Variants in LY75 observed in about 807,000 individuals in gnomAD.
LY75 encodes lymphocyte antigen 75.
A neutral mutation model predicts 231.7 loss-of-function variants in LY75; 185 were observed. The ratio of observed to expected loss-of-function variants is 0.80; its 90% CI spans 0.71 to 0.90. The LOEUF (loss-of-function observed/expected upper bound fraction) is 0.90. Ranked by LOEUF, LY75 falls within the 40% of genes least tolerant of loss-of-function variation. The pLI, the probability that LY75 is intolerant of heterozygous loss-of-function variation, is 0.00. For synonymous variants in LY75, 668 were observed against 689.0 expected, an observed-to-expected ratio of 0.97 and a Z score of 0.48; for missense variants, 1,947 against 2,050.2, an observed-to-expected ratio of 0.95 and a Z score of 0.97.
At chr2:159,854,993 A>G (rs1684508224) in intron 16 of LY75, 54 bp from the exon 17 acceptor site, 2 of 1,607,914 alleles carry the variant, frequency 1.2e-6, no homozygotes, top group Middle Eastern at 1.7e-4. Flanking sequence ...ATCAGGGTAT[A>G]CTATAAGTAC....
Position 159,840,810 on chromosome 2 carries a change from C to T in LY75, c.3426G>A (p.Thr1142=), listed in dbSNP as rs145865267. The T allele has an allele frequency of 1.5e-3, 2,425 of 1,614,052 alleles. 2 individuals carry two copies. The highest frequency in any genetic ancestry group is 1.9e-3 in the Non-Finnish European group (2,260 of 1,179,998). ...TGAGGAATGCCTGCTGGTAAGGGTC[C>T]GTGATGCTCACCAGCTGCATGTTAC... is the stretch of plus-strand genomic sequence containing the variant. ...LKSNMQLVSI[T]DPYQQAFLSV... Residue 1142 remains threonine (T), a synonymous_variant, in exon 25 of 35, where the codon ACG becomes ACA. Coordinates refer to ENST00000263636, the MANE Select transcript of LY75 (RefSeq NM_002349.4).
rs142394042 is a variant in LY75 at position 159,876,952 on chromosome 2, T to C, written c.1775-1309A>G. Among the ~76,000 whole-genome samples, 488 of 130,872 alleles carry C rather than the reference T, an allele frequency of 3.7e-3. 3 individuals are homozygous for C. The highest frequency in any genetic ancestry group is 0.014 in the African/African-American group (479 of 33,164). The allele number at this position is 130,872 out of a possible 152,430, so 85.9% of individuals were successfully genotyped here. A position where few individuals can be genotyped will look rare whatever the true frequency, so the allele number is the denominator to read the frequency against. ...TGTACACGGGAGGCAGAGGTTACAG[T>C]GAGCCGAGATCGAGCCATTGCACTC... On this transcript the variant is annotated intron_variant, in intron 11 of 34. Coordinates refer to ENST00000263636, the MANE Select transcript of LY75 (RefSeq NM_002349.4).
At chr2:159,835,391 A>C in intron 26 of LY75, 89 bp downstream of exon 26, 2 of 1,372,942 alleles carry the variant, frequency 1.5e-6, no homozygotes, top group Non-Finnish European at 1.9e-6. Context: ...CAATTCCAAA[A>C]CCAGATTTTA....
At chr2:159,864,308 C>A (rs2667030) in intron 14 of LY75, among the ~76,000 whole-genome samples, 132,396 of 152,112 alleles carry the variant, frequency 0.87, 59,331 homozygotes, top group East Asian at 1. Context: ...CAAAAAAATC[C>A]TTGTCCAGAC....
intron 2 of LY75, among the ~76,000 whole-genome samples, chr2:159,896,375 G>A (rs919496963): frequency 2.0e-5 from 3 of 152,224 alleles, no homozygotes; most frequent in African/African-American, 7.2e-5. Context: ...CCAAGGCACA[G>A]TGATAAATTA....
chr2:159,869,457 G>A (rs1036106611), intron 13 of LY75, among the ~76,000 whole-genome samples: 1 of 152,188 alleles, frequency 6.6e-6, no homozygotes, highest in African/African-American at 2.4e-5. Context: ...TCATCAGCAT[G>A]ATGGTAGGAT....
chr2:159,826,922 G>A (rs571530734), intron 28 of LY75, among the ~76,000 whole-genome samples: 1 of 152,170 alleles, frequency 6.6e-6, no homozygotes, highest in East Asian at 1.9e-4. Context: ...AACTGAAACT[G>A]GACCCCCCTT....
At chr2:159,874,914 A>T (rs34587580) in intron 12 of LY75, among the ~76,000 whole-genome samples, 2 of 126,848 alleles carry the variant, frequency 1.6e-5, no homozygotes, top group Admixed American at 8.4e-5. Flanking sequence ...TATATATTTT[A>T]TAAATATATT....
At chr2:159,820,014 C>A in intron 28 of LY75, 94 bp from the exon 29 acceptor site, 1 of 1,265,332 alleles carries the variant, frequency 7.9e-7, no homozygotes, top group Non-Finnish European at 1.1e-6. Flanking sequence ...CTAATTTTCT[C>A]TTTTCCCAAC....
intron 13 of LY75, among the ~76,000 whole-genome samples, chr2:159,870,096 TTCCCA>T (rs1307065200): frequency 2.0e-5 from 3 of 152,168 alleles, no homozygotes; most frequent in African/African-American, 7.2e-5. Flanking sequence ...TTGCATTAGA[TTCCCA>T]GTACACTGTA....
chr2:159,880,991 A>G, intron 8 of LY75, 92 bp downstream of exon 8: 1 of 1,468,298 alleles, frequency 6.8e-7, no homozygotes. Context: ...TTTATTTTCC[A>G]GCTTATACGC....
chr2:159,871,285 T>A (rs1685005174), intron 13 of LY75, among the ~76,000 whole-genome samples: 1 of 152,118 alleles, frequency 6.6e-6, no homozygotes. Context: ...AATTGCTATT[T>A]GAGTAAATAT....
intron 8 of LY75, among the ~76,000 whole-genome samples, chr2:159,880,138 T>G (rs533325233): frequency 1.3e-5 from 2 of 152,322 alleles, no homozygotes; most frequent in African/African-American, 4.8e-5. Context: ...TTGCTTCCAC[T>G]TAAGTCTCTT....
At chr2:159,854,766 CG>C in intron 17 of LY75, 137 bp downstream of exon 17, 1 of 1,308,984 alleles carries the variant, frequency 7.6e-7, no homozygotes, top group Non-Finnish European at 1.1e-6. Context: ...CCATACCAGT[CG>C]CTCACCTTCC....
chr2:159,845,558 G>T (rs1222069759), intron 23 of LY75, among the ~76,000 whole-genome samples: 3 of 149,906 alleles, frequency 2.0e-5, no homozygotes, highest in African/African-American at 4.9e-5. Flanking sequence ...AATTTTTTTT[G>T]TCTGTACTGA....
intron 15 of LY75, among the ~76,000 whole-genome samples, chr2:159,859,739 T>C (rs924157062): frequency 6.6e-6 from 1 of 152,212 alleles, no homozygotes; most frequent in African/African-American, 2.4e-5. Context: ...GGTAAATTAC[T>C]CACAGCTCAA....
At chr2:159,882,425 G>A (rs1490031565) in intron 6 of LY75, 110 bp from the exon 7 acceptor site, 10 of 1,435,424 alleles carry the variant, frequency 7.0e-6, no homozygotes, top group Non-Finnish European at 9.3e-6. Flanking sequence ...AACTGGGGAC[G>A]TGATGTCAGA....
intron 4 of LY75, among the ~76,000 whole-genome samples, chr2:159,889,847 C>G (rs562640218): frequency 6.6e-6 from 1 of 152,266 alleles, no homozygotes; most frequent in South Asian, 2.1e-4. Flanking sequence ...CTGAGGCCAT[C>G]TAGTGTAACT....
intron 31 of LY75, among the ~76,000 whole-genome samples, chr2:159,814,522 G>T (rs1284157828): frequency 6.6e-6 from 1 of 151,852 alleles, no homozygotes; most frequent in Non-Finnish European, 1.5e-5. Flanking sequence ...GGGTGTGGTG[G>T]CATGTGTATG....
Sources: allele counts gnomAD v4.1 joint callset (sites outside exome capture counted in the v4.1 genomes callset), GRCh38; gene constraint gnomAD v4.1.1; transcripts MANE v1.5; gene names NCBI Gene and HGNC (gene_info 2026-07-23, HGNC 2026-07-21).